Variants in CHD5 observed in about 807,000 individuals in gnomAD.
CHD5 encodes chromodomain helicase DNA binding protein 5.
Under a neutral mutation model 230.3 loss-of-function variants are expected in CHD5, and 69 were observed. The observed-to-expected ratio is 0.30, with a 90% CI of 0.25 to 0.37. The LOEUF is 0.37. Among genes scored for constraint, CHD5 ranks in the 10% least tolerant of loss-of-function variants. The pLI is 1.00. For synonymous variants in CHD5, 1,064 were observed against 1,065.9 expected, an observed-to-expected ratio of 1.00 and a Z score of 0.03; for missense variants, 1,827 against 2,622.8, an observed-to-expected ratio of 0.70 and a Z score of 6.63.
Position 6,151,049 on chromosome 1 carries a change from C to T in CHD5, c.977G>A (p.Arg326Lys), listed in dbSNP as rs377603924. 4.3e-5 allele frequency: 67 copies of T among 1,574,914 alleles called. No individual in the cohort carries two copies. Among genetic ancestry groups the T allele is most frequent in the Non-Finnish European group, 5.7e-5 (66 of 1,155,634 alleles). ...SAALGKKSKR[R>K]RKKKRIDDGD... ...AGTCATACTCCTCTTCTTCTTGCGC[C>T]TCCTCTTGCTCTTCTTGCCCAGGGC... Residue 326 changes from arginine (R) to lysine (K), a missense_variant, in exon 7 of 42, where the codon AGG (arginine) becomes AAG (lysine). Arg to Lys is a conservative substitution (Grantham distance 26, BLOSUM62 2). Around this residue, in one of 14 missense-constraint regions of CHD5, gnomAD observed 657 missense variants for 816.4 expected, o/e 0.80. Transcript: ENST00000262450.
At chr1:6,175,757 ATGGTTAC>A (rs1339516452) in intron 1 of CHD5, among the ~76,000 whole-genome samples, 1 of 150,112 alleles carries the variant, frequency 6.7e-6, no homozygotes, top group Non-Finnish European at 1.5e-5. Context: ...TGGATGGTGA[ATGGTTAC>A]TTGGTTGGTT....
At chr1:6,156,518 A>G (rs1667083303) in intron 3 of CHD5, among the ~76,000 whole-genome samples, 1 of 146,802 alleles carries the variant, frequency 6.8e-6, no homozygotes, top group East Asian at 2.0e-4. Context: ...CCTGGGTGAC[A>G]GAGCAAGATT....
intron 1 of CHD5, among the ~76,000 whole-genome samples, chr1:6,173,201 T>C (rs1351494126): frequency 6.6e-6 from 1 of 151,440 alleles, no homozygotes; most frequent in African/African-American, 2.4e-5. Flanking sequence ...GCCTCCCAGG[T>C]TCACGCCATT....
At chr1:6,172,210 C>T (rs1040915378) in intron 1 of CHD5, among the ~76,000 whole-genome samples, 22 of 152,214 alleles carry the variant, frequency 1.4e-4, no homozygotes, top group African/African-American at 4.8e-4. Flanking sequence ...TAGCAGCAGT[C>T]GTGATAACTG....
chr1:6,115,644 G>GGGAC (rs1299317489), intron 33 of CHD5, among the ~76,000 whole-genome samples: 6 of 152,228 alleles, frequency 3.9e-5, no homozygotes, highest in African/African-American at 1.2e-4. Context: ...GCAAGGAAAT[G>GGGAC]GGACCTCAGT....
At chr1:6,106,113 G>T in intron 41 of CHD5, 121 bp downstream of exon 41, 1 of 917,672 alleles carries the variant, frequency 1.1e-6, no homozygotes, top group Non-Finnish European at 1.7e-6. Flanking sequence ...GCCGCCGGAG[G>T]CAGTAAAAGC....
chr1:6,159,582 G>A (rs1571166885), intron 2 of CHD5, 67 bp from the exon 3 acceptor site: 5 of 1,423,980 alleles, frequency 3.5e-6, no homozygotes, highest in Non-Finnish European at 4.8e-6. Flanking sequence ...TGGGTGGCAG[G>A]ACGGCCCTGA....
intron 8 of CHD5, 44 bp from the exon 9 acceptor site, chr1:6,149,119 G>C (rs757259834): frequency 1.4e-6 from 2 of 1,469,030 alleles, no homozygotes; most frequent in Non-Finnish European, 1.8e-6. Flanking sequence ...CGGGGTCCCC[G>C]CTCCACCAGG....
rs1470692239 is a variant in CHD5, at chr1:6,168,224, C to T, written c.133G>A (p.Val45Met). ...GGTTTCTTCTTCTTAGGAAGGCTCA[C>T]GGGCTCCACAGGGAAAAAGTCATCG... The part of the protein sequence containing the change: ...AFDDFFPVEP[V>M]SLPKKKKPKK... The change falls in exon 2 of 42, where the codon GTG becomes ATG. Residue 45 changes from valine to methionine, a missense_variant. Physicochemically the swap from Val to Met is conservative, Grantham distance 21. This residue lies in a region of CHD5 where 113 missense variants were observed against 91.9 expected (regional missense o/e 1.23). Coordinates refer to ENST00000262450, the MANE Select transcript of CHD5 (RefSeq NM_015557.3). The T allele has an allele frequency of 1.1e-5, 18 of 1,611,502 alleles. No individual in the cohort carries two copies. The highest frequency in any genetic ancestry group is 1.7e-5 in the Admixed American group (1 of 59,930).
rs1402081839 is a variant in CHD5, at chr1:6,112,190, T to C, written c.5090A>G (p.Lys1697Arg). 1.2e-6 allele frequency: 2 copies of C among 1,614,196 alleles called. No individual in the cohort carries two copies. The highest frequency in any genetic ancestry group is 1.1e-5 in the South Asian group (1 of 91,086). The stretch of plus-strand genomic sequence containing the variant: ...GAACATGAACTTGAATTTCCCCTTC[T>C]TGTCCTCCTTCTTCCCCTCGTCATC... ...EEDDEGKKED[K>R]KGKFKFMFNI... is the part of the protein sequence containing the mutation. Residue 1697 changes from lysine (K) to arginine (R), a missense_variant, in exon 35 of 42, where the codon AAG becomes AGG. This residue lies in a region of CHD5 where 272 missense variants were observed against 263.2 expected (regional missense o/e 1.03). Transcript: ENST00000262450.
At chr1:6,132,418 TC>T (rs1261343450) in intron 20 of CHD5, among the ~76,000 whole-genome samples, 15 of 152,340 alleles carry the variant, frequency 9.8e-5, no homozygotes, top group African/African-American at 3.1e-4. Context: ...TTCTAACGTG[TC>T]TACGGGTTCA....
At chr1:6,169,380 C>G (rs1174495164) in intron 1 of CHD5, among the ~76,000 whole-genome samples, 5 of 152,186 alleles carry the variant, frequency 3.3e-5, no homozygotes, top group African/African-American at 1.2e-4. Flanking sequence ...CTCGAAAGGC[C>G]GAGGGGGCCC....
At chr1:6,135,092 C>T (rs1026823208) in intron 18 of CHD5, 138 bp downstream of exon 18, 10 of 1,078,608 alleles carry the variant, frequency 9.3e-6, no homozygotes, top group South Asian at 5.8e-5. Flanking sequence ...AGAGGCCCCA[C>T]GAAGAAAGTG....
At chr1:6,166,091 T>C (rs1440540785) in intron 2 of CHD5, among the ~76,000 whole-genome samples, 2 of 151,244 alleles carry the variant, frequency 1.3e-5, no homozygotes, top group East Asian at 3.9e-4. Context: ...CAGACACACA[T>C]CCATCCCGGA....
intron 25 of CHD5, 46 bp downstream of exon 25, chr1:6,128,000 G>A (rs746515059): frequency 7.4e-6 from 11 of 1,494,792 alleles, no homozygotes; most frequent in Admixed American, 5.9e-5. Flanking sequence ...GCGGGGCTGC[G>A]GATGGAGGGC....
In CHD5 at chr1:6,106,586, T is replaced by C. The variant is rs754795232; in HGVS notation, c.5742+30A>G. On this transcript the variant is annotated intron_variant, in intron 39 of 41. Transcript: ENST00000262450. ...TCCACCCAGGGGCACGCCAGGGGGCTCGGGCCGGGGCACACAGGCCGAGCC... is the reference window on the plus strand; with the variant it reads ...TCCACCCAGGGGCACGCCAGGGGGCCCGGGCCGGGGCACACAGGCCGAGCC... The C allele has an allele frequency of 1.9e-6, 3 of 1,551,414 alleles. No individual in the cohort carries two copies. In the South Asian group the frequency reaches 3.6e-5, roughly 18 times the overall value.
chr1:6,143,939 A>G lies in CHD5; in HGVS notation c.1935-8T>C. On this transcript the variant is annotated splice_region_variant and splice_polypyrimidine_tract_variant and intron_variant, in intron 12 of 41. Coordinates refer to ENST00000262450, the MANE Select transcript of CHD5 (RefSeq NM_015557.3). The stretch of plus-strand genomic sequence containing the variant: ...TCTCCCAGCATCAGCTCCCTGGGAA[A>G]CGGCATTGGAGGCAGGTGAGCAAGG... The G allele has an allele frequency of 1.9e-6, 3 of 1,614,048 alleles. No homozygotes were observed. In the South Asian group the frequency reaches 3.3e-5, roughly 18 times the overall value.
Position 6,126,528 on chromosome 1 carries a change from C to T in CHD5, c.4078+44G>A, listed in dbSNP as rs753796527. 3.1e-6 allele frequency: 5 copies of T among 1,587,490 alleles called. No homozygotes were observed. The highest frequency in any genetic ancestry group is 3.3e-5 in the Admixed American group (2 of 59,952). ...CCTGACAGAATCCTGCCCCACCCTCCGCCTCTGGGTGAGGGGCACCAGTCC... is the reference window on the plus strand; with the variant it reads ...CCTGACAGAATCCTGCCCCACCCTCTGCCTCTGGGTGAGGGGCACCAGTCC... On this transcript the variant is annotated intron_variant, in intron 26 of 41. Coordinates refer to ENST00000262450, the MANE Select transcript of CHD5 (RefSeq NM_015557.3). The surrounding 1 kb of genome is among the most constrained non-coding windows in gnomAD (Gnocchi z 5.7).
Position 6,130,738 on chromosome 1 carries a change from CA to C in CHD5, c.3263-411del, listed in dbSNP as rs1475322430. The stretch of plus-strand genomic sequence containing the variant: ...GCTGCCAGGGCAGCCCGGGAAAACT[CA>C]GGGGCGCAGCTCCGGGACCTGGGGT... On this transcript the variant is annotated intron_variant, in intron 21 of 41. Coordinates refer to ENST00000262450, the MANE Select transcript of CHD5 (RefSeq NM_015557.3). The surrounding 1 kb of genome is among the most constrained non-coding windows in gnomAD (Gnocchi z 4.9). 6.6e-6 allele frequency among the ~76,000 whole-genome samples: 1 copy of C among 152,236 alleles called. No homozygotes were observed. Among genetic ancestry groups the C allele is most frequent in the Non-Finnish European group, 1.5e-5 (1 of 68,036 alleles).
Sources: allele counts gnomAD v4.1 joint callset (sites outside exome capture counted in the v4.1 genomes callset), GRCh38; gene constraint gnomAD v4.1.1; regional missense constraint gnomAD v4.1.1; non-coding constraint Gnocchi (gnomAD v3.1); transcripts MANE v1.5; gene names NCBI Gene and HGNC (gene_info 2026-07-23, HGNC 2026-07-21).